The following SH3GL3 variants were observed in gnomAD, a reference collection of about 807,000 sequenced individuals.
The protein encoded by SH3GL3 is endophilin-A3.
SH3GL3 carries 33 observed loss-of-function variants against 47.7 expected under a neutral mutation model. The observed-to-expected ratio is 0.69, with a 90% CI of 0.52 to 0.92. SH3GL3 has a LOEUF of 0.92. Ranked by LOEUF, SH3GL3 falls within the 40% of genes least tolerant of loss-of-function variation. The pLI is 0.00. For missense variants in SH3GL3, 363 were observed against 417.8 expected (o/e 0.87, Z 1.14); for synonymous variants, 155 against 148.8 (o/e 1.04, Z -0.30).
intron 8 of SH3GL3, among the ~76,000 whole-genome samples, chr15:83,596,095 G>T (rs969200570): frequency 5.9e-5 from 9 of 152,062 alleles, no homozygotes; most frequent in African/African-American, 1.9e-4. Flanking sequence ...CTTTAAAATT[G>T]TTTCTAATTT....
chr15:83,524,028 A>G (rs1432098079), intron 1 of SH3GL3, among the ~76,000 whole-genome samples: 2 of 152,004 alleles, frequency 1.3e-5, no homozygotes, highest in Non-Finnish European at 2.9e-5. Flanking sequence ...TACTATACAG[A>G]TGATTTCTTC....
intron 1 of SH3GL3, among the ~76,000 whole-genome samples, chr15:83,483,560 G>C (rs550149022): frequency 6.6e-6 from 1 of 152,158 alleles, no homozygotes; most frequent in Admixed American, 6.5e-5. Context: ...TGTGTTCCCA[G>C]CCCCAGTACT....
chr15:83,597,628 A>C (rs1596328788), intron 8 of SH3GL3, among the ~76,000 whole-genome samples: 1 of 149,510 alleles, frequency 6.7e-6, no homozygotes, highest in Non-Finnish European at 1.5e-5. Flanking sequence ...TTTTTTTTTG[A>C]GATGGAGTTT....
chr15:83,585,688 T>C (rs1266384771), intron 6 of SH3GL3, among the ~76,000 whole-genome samples: 1 of 152,210 alleles, frequency 6.6e-6, no homozygotes, highest in African/African-American at 2.4e-5. Flanking sequence ...TTTTGTTTAT[T>C]GGGTTTTTGG....
intron 1 of SH3GL3, among the ~76,000 whole-genome samples, chr15:83,534,087 G>GT (rs983712584): frequency 1.3e-5 from 2 of 152,096 alleles, no homozygotes; most frequent in African/African-American, 4.8e-5. Flanking sequence ...TACTGTAACA[G>GT]TATTAAAAGG....
At chr15:83,498,577 C>T (rs917796379) in intron 1 of SH3GL3, among the ~76,000 whole-genome samples, 2 of 152,144 alleles carry the variant, frequency 1.3e-5, no homozygotes, top group Non-Finnish European at 2.9e-5. Flanking sequence ...CACTCCACAC[C>T]CTTATCTCTC....
intron 1 of SH3GL3, among the ~76,000 whole-genome samples, chr15:83,540,990 G>A (rs1368919099): frequency 6.6e-6 from 1 of 152,116 alleles, no homozygotes; most frequent in East Asian, 1.9e-4. Context: ...CTGTCTTCAT[G>A]AGTTCAATTG....
intron 1 of SH3GL3, among the ~76,000 whole-genome samples, chr15:83,502,898 G>T (rs1303677133): frequency 6.6e-6 from 1 of 152,116 alleles, no homozygotes; most frequent in East Asian, 1.9e-4. Context: ...ATTTGGATGA[G>T]CTCCCAATAT....
intron 1 of SH3GL3, among the ~76,000 whole-genome samples, chr15:83,514,946 T>C (rs2042919505): frequency 6.6e-6 from 1 of 151,902 alleles, no homozygotes; most frequent in Non-Finnish European, 1.5e-5. Context: ...AAGCAAGAGA[T>C]TGGAGTGATG....
intron 8 of SH3GL3, among the ~76,000 whole-genome samples, chr15:83,589,862 G>A (rs1427374382): frequency 6.6e-6 from 1 of 152,028 alleles, no homozygotes; most frequent in Non-Finnish European, 1.5e-5. Context: ...GTTTTTTCCA[G>A]TTATTTGCTA....
intron 8 of SH3GL3, among the ~76,000 whole-genome samples, chr15:83,600,619 AATGTG>A (rs1244636198): frequency 6.6e-6 from 1 of 152,158 alleles, no homozygotes; most frequent in Non-Finnish European, 1.5e-5. Flanking sequence ...GAAATCAGGT[AATGTG>A]ATGCCTCCAG....
chr15:83,587,682 C>T (rs1339276885), intron 7 of SH3GL3, among the ~76,000 whole-genome samples: 1 of 152,050 alleles, frequency 6.6e-6, no homozygotes, highest in East Asian at 1.9e-4. Context: ...TCAAAAATAT[C>T]TTCTGAACAA....
At chr15:83,483,465 T>C (rs2041459496) in intron 1 of SH3GL3, among the ~76,000 whole-genome samples, 1 of 152,220 alleles carries the variant, frequency 6.6e-6, no homozygotes, top group Non-Finnish European at 1.5e-5. Flanking sequence ...AAAACATAAA[T>C]TTAAATGACC....
intron 5 of SH3GL3, among the ~76,000 whole-genome samples, chr15:83,574,429 C>G (rs763949018): frequency 1.3e-5 from 2 of 152,140 alleles, no homozygotes; most frequent in Non-Finnish European, 2.9e-5. Flanking sequence ...GGGTCTGTCA[C>G]CTCTCACCTC....
At chr15:83,566,365 A>AGAGAGAGAGTGT (rs1459069703) in intron 3 of SH3GL3, among the ~76,000 whole-genome samples, 1 of 136,626 alleles carries the variant, frequency 7.3e-6, no homozygotes, top group East Asian at 2.2e-4. Flanking sequence ...AGAGAGAGAG[A>AGAGAGAGAGTGT]GTGTGTGTGT....
chr15:83,577,423 C>A (rs1294030910), intron 6 of SH3GL3, among the ~76,000 whole-genome samples: 1 of 151,834 alleles, frequency 6.6e-6, no homozygotes, highest in Non-Finnish European at 1.5e-5. Context: ...TTTTTGGAGA[C>A]AGGGTCTCAC....
chr15:83,617,721 A>C (rs1419222403), intron 8 of SH3GL3, among the ~76,000 whole-genome samples: 2 of 152,152 alleles, frequency 1.3e-5, no homozygotes, highest in Non-Finnish European at 2.9e-5. Flanking sequence ...GTATTTTCTA[A>C]TCCCCACAAA....
chr15:83,522,424 A>G (rs892790816), intron 1 of SH3GL3, among the ~76,000 whole-genome samples: 1 of 152,226 alleles, frequency 6.6e-6, no homozygotes, highest in African/African-American at 2.4e-5. Context: ...CTCAAACTCC[A>G]TCTTCCGTAA....
chr15:83,570,883 G>C (rs1239802807), intron 4 of SH3GL3, among the ~76,000 whole-genome samples: 1 of 152,192 alleles, frequency 6.6e-6, no homozygotes, highest in African/African-American at 2.4e-5. Flanking sequence ...TCAGTGAAGG[G>C]AGCAGGTGAA....
Sources: allele counts gnomAD v4.1 joint callset (sites outside exome capture counted in the v4.1 genomes callset), GRCh38; gene constraint gnomAD v4.1.1; transcripts MANE v1.5; gene names NCBI Gene and HGNC (gene_info 2026-07-23, HGNC 2026-07-21).